Variants in CDC5L observed in about 807,000 individuals in gnomAD.
CDC5L encodes the protein cell division cycle 5 like, also known as cell division cycle 5-like protein.
A neutral mutation model predicts 104.1 loss-of-function variants in CDC5L; 18 were observed. The ratio of observed to expected loss-of-function variants is 0.17; its 90% CI spans 0.12 to 0.26. CDC5L has a LOEUF of 0.26. Among genes scored for constraint, CDC5L ranks in the 10% least tolerant of loss-of-function variants. CDC5L has a pLI of 1.00. For synonymous variants in CDC5L, 331 were observed against 322.7 expected (o/e 1.03, Z -0.28); for missense variants, 673 against 956.9 (o/e 0.70, Z 3.91).
intron 9 of CDC5L, among the ~76,000 whole-genome samples, chr6:44,421,235 A>G (rs1792157914): frequency 6.6e-6 from 1 of 152,230 alleles, no homozygotes; most frequent in South Asian, 2.1e-4. Context: ...GTTTGATCCC[A>G]AAACACTTCC....
Position 44,442,062 on chromosome 6 carries a change from G to A in CDC5L, c.2092-3593G>A, listed in dbSNP as rs371006650. ...AGCTATTCTGCTGCCTCAGCCTCCC[G>A]AGTAGCTGGGACTACAGGCGCCCGC... On this transcript the variant is annotated intron_variant, in intron 14 of 15. Coordinates refer to ENST00000371477, the MANE Select transcript of CDC5L (RefSeq NM_001253.4). 8.2e-3 allele frequency among the ~76,000 whole-genome samples: 1,231 copies of A among 150,136 alleles called. 13 individuals are homozygous for A. The highest frequency in any genetic ancestry group is 0.029 in the Middle Eastern group (8 of 278).
At chr6:44,428,062 A>G (rs1358257111) in intron 13 of CDC5L, among the ~76,000 whole-genome samples, 1 of 152,226 alleles carries the variant, frequency 6.6e-6, no homozygotes, top group African/African-American at 2.4e-5. Context: ...CTATTTAGTT[A>G]GCAGATTATT....
At chr6:44,416,091 C>T (rs1791895193) in intron 8 of CDC5L, among the ~76,000 whole-genome samples, 1 of 152,134 alleles carries the variant, frequency 6.6e-6, no homozygotes, top group African/African-American at 2.4e-5. Context: ...TTGCTTCTGT[C>T]TCTTGGCCTC....
At chr6:44,418,156 C>T (rs1363126659) in intron 8 of CDC5L, among the ~76,000 whole-genome samples, 1 of 152,138 alleles carries the variant, frequency 6.6e-6, no homozygotes, top group Non-Finnish European at 1.5e-5. Context: ...TCCCCCCACC[C>T]TCCAACAGTC....
chr6:44,409,692 T>C (rs1791541659), intron 8 of CDC5L, among the ~76,000 whole-genome samples: 1 of 152,218 alleles, frequency 6.6e-6, no homozygotes, highest in Admixed American at 6.5e-5. Flanking sequence ...TTAGATAGTC[T>C]CATCTTTTTG....
At chr6:44,426,364 A>C in intron 12 of CDC5L, 118 bp from the exon 13 acceptor site, 1 of 804,354 alleles carries the variant, frequency 1.2e-6, no homozygotes, top group Non-Finnish European at 2.0e-6. Flanking sequence ...TTAGAAGGAA[A>C]AAAATGGAAA....
Position 44,442,830 on chromosome 6 carries a change from C to T in CDC5L, c.2092-2825C>T, listed in dbSNP as rs1191687744. On this transcript the variant is annotated intron_variant, in intron 14 of 15. Coordinates refer to ENST00000371477, the MANE Select transcript of CDC5L (RefSeq NM_001253.4). ...CAAAATATACAAAAAAAGTTTTATA[C>T]TTTAATAAATTTTCATGTTATTAAT... 9.2e-5 allele frequency among the ~76,000 whole-genome samples: 14 copies of T among 152,148 alleles called. 1 individual carries two copies. Among genetic ancestry groups the T allele is most frequent in the Admixed American group, 6.6e-4 (10 of 15,266 alleles).
Position 44,402,936 on chromosome 6 carries a change from A to G in CDC5L, c.540-873A>G, listed in dbSNP as rs75206057. ...TTGTTTAGATTGTATCCAGCTATCT[A>G]CTATCATAAACAGTGCTTAGTGAAC... On this transcript the variant is annotated intron_variant, in intron 5 of 15. Coordinates refer to ENST00000371477, the MANE Select transcript of CDC5L (RefSeq NM_001253.4). Among the ~76,000 whole-genome samples, 1,178 of 152,332 alleles carry G rather than the reference A, an allele frequency of 7.7e-3. 8 individuals carry two copies. The highest frequency in any genetic ancestry group is 0.013 in the Non-Finnish European group (858 of 68,028).
At chr6:44,426,904 C>T (rs1792448960) in intron 13 of CDC5L, among the ~76,000 whole-genome samples, 180 bp downstream of exon 13, 1 of 152,178 alleles carries the variant, frequency 6.6e-6, no homozygotes, top group Admixed American at 6.5e-5. Context: ...ATACCTCCAT[C>T]CCCCGTGTTC....
At chr6:44,409,053 C>G (rs962757598) in intron 8 of CDC5L, among the ~76,000 whole-genome samples, 4 of 152,176 alleles carry the variant, frequency 2.6e-5, no homozygotes, top group Admixed American at 1.3e-4. Flanking sequence ...TGTGTGTTCC[C>G]AGGGTGTCTG....
At chr6:44,413,704 C>G (rs1239115743) in intron 8 of CDC5L, among the ~76,000 whole-genome samples, 1 of 152,064 alleles carries the variant, frequency 6.6e-6, no homozygotes, top group Admixed American at 6.5e-5. Flanking sequence ...CCAACTTGGC[C>G]TCCCGAGTAG....
intron 14 of CDC5L, among the ~76,000 whole-genome samples, chr6:44,438,341 A>G (rs1229635779): frequency 6.6e-6 from 1 of 152,214 alleles, no homozygotes; most frequent in South Asian, 2.1e-4. Context: ...TTTGGTAGAT[A>G]TAGTTGAGAA....
intron 6 of CDC5L, 46 bp downstream of exon 6, chr6:44,404,073 G>A: frequency 7.2e-7 from 1 of 1,385,378 alleles, no homozygotes; most frequent in African/African-American, 1.5e-5. Flanking sequence ...ATAGTAGGAG[G>A]AGTCTTACGA....
At chr6:44,398,014 C>T (rs1790948678) in intron 5 of CDC5L, among the ~76,000 whole-genome samples, 1 of 152,152 alleles carries the variant, frequency 6.6e-6, no homozygotes, top group African/African-American at 2.4e-5. Context: ...CCAGGTTGGC[C>T]TGCTGATTCT....
chr6:44,425,609 A>G (rs537726179), intron 11 of CDC5L, among the ~76,000 whole-genome samples: 6 of 152,294 alleles, frequency 3.9e-5, no homozygotes, highest in African/African-American at 1.4e-4. Flanking sequence ...TCAGTGGGGA[A>G]CAGAGGATGA....
intron 7 of CDC5L, 116 bp from the exon 8 acceptor site, chr6:44,408,328 C>T (rs1791469418): frequency 6.2e-6 from 4 of 642,664 alleles, no homozygotes; most frequent in Non-Finnish European, 7.7e-6. Context: ...TCCCGAACTC[C>T]TGGGCTCAAA....
intron 4 of CDC5L, 124 bp from the exon 5 acceptor site, chr6:44,396,217 C>T: frequency 1.8e-6 from 1 of 562,636 alleles, no homozygotes; most frequent in Non-Finnish European, 3.1e-6. Flanking sequence ...TATGCTACAC[C>T]ATAAAATCAG....
chr6:44,406,261 G>T, intron 6 of CDC5L, 62 bp from the exon 7 acceptor site: 1 of 1,240,010 alleles, frequency 8.1e-7, no homozygotes. Flanking sequence ...TATTTGTATG[G>T]ATTTTAATGT....
At chr6:44,428,352 G>A (rs555940988) in intron 13 of CDC5L, among the ~76,000 whole-genome samples, 2 of 151,958 alleles carry the variant, frequency 1.3e-5, no homozygotes, top group Admixed American at 6.6e-5. Flanking sequence ...TCTTGATTTT[G>A]TAGATTTTGA....
Sources: gnomAD v4.1 joint callset for allele counts (sites outside exome capture counted in the v4.1 genomes callset) on GRCh38, gnomAD v4.1.1 for gene constraint, MANE v1.5 for transcripts, NCBI Gene and HGNC (gene_info 2026-07-23, HGNC 2026-07-21) for gene names.